Variants in NRG3 observed in about 807,000 individuals in gnomAD.
NRG3 encodes the protein neuregulin 3.
A neutral mutation model predicts 66.9 loss-of-function variants in NRG3; 31 were observed. The observed-to-expected ratio is 0.46, with a 90% CI of 0.35 to 0.63. The LOEUF (loss-of-function observed/expected upper bound fraction) is 0.63. NRG3 is among the 20% of genes least tolerant of loss of function. The pLI is 0.00. For synonymous variants in NRG3, 393 were observed against 359.4 expected, an observed-to-expected ratio of 1.09 and a Z score of -1.06; for missense variants, 910 against 878.9, an observed-to-expected ratio of 1.04 and a Z score of -0.45.
chr10:81,911,056 C>T (rs1482530057), intron 1 of NRG3, among the ~76,000 whole-genome samples: 1 of 152,050 alleles, frequency 6.6e-6, no homozygotes, highest in African/African-American at 2.4e-5. Context: ...AAATTTGTGC[C>T]AGCAGATTTT....
intron 2 of NRG3, among the ~76,000 whole-genome samples, chr10:82,601,992 AG>A (rs1316040622): frequency 1.3e-5 from 2 of 150,490 alleles, no homozygotes; most frequent in Non-Finnish European, 3.0e-5. Context: ...CAAAGATGGG[AG>A]GGTTGCTCAA....
chr10:82,937,985 C>T (rs369529936), intron 4 of NRG3, among the ~76,000 whole-genome samples: 9 of 152,100 alleles, frequency 5.9e-5, no homozygotes, highest in South Asian at 4.2e-4. Flanking sequence ...AAAGACTTAG[C>T]GCCAAAACAA....
At chr10:82,776,768 G>C (rs772713196) in intron 3 of NRG3, among the ~76,000 whole-genome samples, 1 of 151,134 alleles carries the variant, frequency 6.6e-6, no homozygotes, top group Non-Finnish European at 1.5e-5. Context: ...ATTTCTGTTT[G>C]GTCCTTTCTT....
chr10:81,940,462 T>C (rs959596348), intron 1 of NRG3, among the ~76,000 whole-genome samples: 8 of 152,064 alleles, frequency 5.3e-5, no homozygotes, highest in African/African-American at 1.9e-4. Context: ...CCTCCTGCCT[T>C]AGCCTCCTAG....
intron 1 of NRG3, among the ~76,000 whole-genome samples, chr10:82,085,534 A>T (rs937975075): frequency 2.6e-5 from 4 of 152,126 alleles, no homozygotes; most frequent in African/African-American, 4.8e-5. Flanking sequence ...GCAACCATGC[A>T]TGAGAGAGAG....
At chr10:82,685,602 CTTTAA>C (rs1381920483) in intron 2 of NRG3, among the ~76,000 whole-genome samples, 1 of 152,066 alleles carries the variant, frequency 6.6e-6, no homozygotes, top group African/African-American at 2.4e-5. Context: ...AATATTTTTT[CTTTAA>C]TTGTAAATTA....
At chr10:82,243,811 A>G (rs545142748) in intron 1 of NRG3, among the ~76,000 whole-genome samples, 2 of 152,290 alleles carry the variant, frequency 1.3e-5, no homozygotes, top group South Asian at 4.1e-4. Flanking sequence ...TAAAATGTGT[A>G]TTTCTTTTCT....
chr10:82,602,933 C>A (rs1198833878), intron 2 of NRG3, among the ~76,000 whole-genome samples: 1 of 152,106 alleles, frequency 6.6e-6, no homozygotes, highest in Non-Finnish European at 1.5e-5. Flanking sequence ...GAGACTCAAC[C>A]AATTCCAGTT....
At chr10:81,985,464 T>C (rs1360297205) in intron 1 of NRG3, among the ~76,000 whole-genome samples, 2 of 152,234 alleles carry the variant, frequency 1.3e-5, no homozygotes, top group Non-Finnish European at 2.9e-5. Context: ...ATTTCAAATC[T>C]GCAATCACTT....
chr10:81,893,739 T>G (rs992665274), intron 1 of NRG3, among the ~76,000 whole-genome samples: 1 of 152,212 alleles, frequency 6.6e-6, no homozygotes, highest in Non-Finnish European at 1.5e-5. Flanking sequence ...AGTTAACTAC[T>G]ACTGTGGAAG....
At chr10:82,490,805 C>G (rs1179769322) in intron 2 of NRG3, among the ~76,000 whole-genome samples, 1 of 152,112 alleles carries the variant, frequency 6.6e-6, no homozygotes, top group Non-Finnish European at 1.5e-5. Flanking sequence ...ATTATTGCTA[C>G]TGTTAACACA....
chr10:82,307,036 TTTCTTATTTTA>T (rs1392755115), intron 1 of NRG3, among the ~76,000 whole-genome samples: 1 of 152,172 alleles, frequency 6.6e-6, no homozygotes, highest in African/African-American at 2.4e-5. Flanking sequence ...TAGTCATTAA[TTTCTTATTTTA>T]TCACTTTTTT....
chr10:82,517,866 A>G (rs891688770), intron 2 of NRG3, among the ~76,000 whole-genome samples: 6 of 152,148 alleles, frequency 3.9e-5, no homozygotes, highest in Non-Finnish European at 5.9e-5. Context: ...AATATTTTTA[A>G]TGCAAAAGTT....
chr10:82,396,632 A>G (rs1043948581), intron 2 of NRG3, among the ~76,000 whole-genome samples: 18 of 152,162 alleles, frequency 1.2e-4, no homozygotes, highest in African/African-American at 4.1e-4. Flanking sequence ...TTATTTACAT[A>G]GTGATTTGTT....
chr10:82,606,374 A>G (rs962931846), intron 2 of NRG3, among the ~76,000 whole-genome samples: 1 of 152,132 alleles, frequency 6.6e-6, no homozygotes. Flanking sequence ...TTGTGATCTG[A>G]GAGAATACTT....
intron 2 of NRG3, among the ~76,000 whole-genome samples, chr10:82,404,595 TAATA>T (rs1402333909): frequency 4.6e-5 from 7 of 152,166 alleles, no homozygotes; most frequent in South Asian, 2.1e-4. Flanking sequence ...GATGAATGGG[TAATA>T]AATAGAGAGA....
chr10:82,609,600 AAG>A (rs1246292955), intron 2 of NRG3, among the ~76,000 whole-genome samples: 2 of 151,978 alleles, frequency 1.3e-5, no homozygotes, highest in Admixed American at 6.6e-5. Flanking sequence ...AAAAAAAAAA[AAG>A]AGAGAGAGAA....
At chr10:82,331,489 A>G (rs932604620) in intron 1 of NRG3, among the ~76,000 whole-genome samples, 2 of 152,184 alleles carry the variant, frequency 1.3e-5, no homozygotes, top group Non-Finnish European at 2.9e-5. Context: ...AATGGGAGCC[A>G]GGAACTAAGG....
At chr10:82,536,740 A>T (rs1329009311) in intron 2 of NRG3, among the ~76,000 whole-genome samples, 1 of 152,094 alleles carries the variant, frequency 6.6e-6, no homozygotes, top group Non-Finnish European at 1.5e-5. Flanking sequence ...TTCAGAGGGG[A>T]TTCATCAGGG....
Sources: gnomAD v4.1 joint callset for allele counts (sites outside exome capture counted in the v4.1 genomes callset) on GRCh38, gnomAD v4.1.1 for gene constraint, MANE v1.5 for transcripts, NCBI Gene and HGNC (gene_info 2026-07-23, HGNC 2026-07-21) for gene names.